INPP4B: variants seen among roughly 807,000 people sequenced by gnomAD.
INPP4B encodes inositol polyphosphate 4-phosphatase type II.
In INPP4B, 55 loss-of-function variants were observed where a neutral mutation model predicts 122.5. That is an observed-to-expected ratio of 0.45 (90% CI 0.36 to 0.56). The LOEUF is 0.56. INPP4B is among the 20% of genes least tolerant of loss of function. The pLI is 0.00. For missense variants in INPP4B, 1,000 were observed against 1,097.7 expected, an observed-to-expected ratio of 0.91 and a Z score of 1.26; for synonymous variants, 403 against 388.7, an observed-to-expected ratio of 1.04 and a Z score of -0.43.
intron 6 of INPP4B, 95 bp downstream of exon 6, chr4:142,405,111 G>A: frequency 1.5e-6 from 1 of 687,886 alleles, no homozygotes. Context: ...CAGAGATGGG[G>A]CGGGGGTGGG....
chr4:142,706,374 T>C (rs541477967), intron 2 of INPP4B, among the ~76,000 whole-genome samples: 1 of 152,368 alleles, frequency 6.6e-6, no homozygotes, highest in Non-Finnish European at 1.5e-5. Context: ...TGATTGATAT[T>C]TGATAACAAT....
intron 2 of INPP4B, among the ~76,000 whole-genome samples, chr4:142,555,440 T>G (rs1728932723): frequency 6.6e-6 from 1 of 152,276 alleles, no homozygotes; most frequent in African/African-American, 2.4e-5. Flanking sequence ...TCTATAAGAT[T>G]TGGCTACAAT....
At chr4:142,063,090 T>C (rs1015623498) in intron 25 of INPP4B, among the ~76,000 whole-genome samples, 3 of 152,202 alleles carry the variant, frequency 2.0e-5, no homozygotes, top group African/African-American at 7.2e-5. Context: ...AGAATGTTGA[T>C]TCAACATTTA....
chr4:142,270,621 AT>A (rs1454447818), intron 10 of INPP4B, 41 bp downstream of exon 10: 2 of 1,333,914 alleles, frequency 1.5e-6, no homozygotes, highest in Non-Finnish European at 2.2e-6. Flanking sequence ...AAAGCTGATC[AT>A]TTTTAATTTA....
At chr4:142,055,666 T>C (rs1757250713) in intron 25 of INPP4B, among the ~76,000 whole-genome samples, 1 of 151,990 alleles carries the variant, frequency 6.6e-6, no homozygotes, top group African/African-American at 2.4e-5. Context: ...TTCAACATTA[T>C]ATAATCTTAT....
chr4:142,079,414 G>A lies in INPP4B; in HGVS notation c.2642+2617C>T, dbSNP rs138163279. Among the ~76,000 whole-genome samples the A allele has an allele frequency of 7.2e-5, 11 of 152,164 alleles. No homozygotes were observed. In the East Asian group the frequency reaches 2.1e-3, roughly 29 times the overall value. On this transcript the variant is annotated intron_variant, in intron 25 of 25. Transcript: ENST00000262992. ...AGGGTGGGACTTGCTAGATGGCAGA[G>A]TGAGGAGCTGGGAAAATCTGCTTCC... is the stretch of plus-strand genomic sequence containing the variant.
At chr4:142,540,112 G>T (rs968293619) in intron 2 of INPP4B, among the ~76,000 whole-genome samples, 1 of 151,816 alleles carries the variant, frequency 6.6e-6, no homozygotes. Context: ...AATACAAGTG[G>T]AATGAAATAA....
chr4:142,737,950 C>G lies in INPP4B; in HGVS notation c.-253-12049G>C, dbSNP rs138041820. On this transcript the variant is annotated intron_variant, in intron 1 of 25. Transcript: ENST00000262992. ...GTTAGAATGGCAATCATTAAAAAGT[C>G]AGAAACCAACAGGTGCTGGAGAGGA... Among the ~76,000 whole-genome samples the G allele has an allele frequency of 5.6e-4, 86 of 152,284 alleles. 2 individuals carry two copies. The East Asian group carries it at 0.015, about 27-fold the overall frequency.
chr4:142,481,002 G>T (rs2149735351), intron 2 of INPP4B, among the ~76,000 whole-genome samples: 1 of 151,904 alleles, frequency 6.6e-6, no homozygotes, highest in African/African-American at 2.4e-5. Context: ...GGGCATGGTG[G>T]CACGAACCTA....
intron 7 of INPP4B, among the ~76,000 whole-genome samples, chr4:142,394,169 G>A (rs575564416): frequency 3.9e-5 from 6 of 152,020 alleles, no homozygotes; most frequent in Non-Finnish European, 7.4e-5. Context: ...GTTTTGAGAC[G>A]GAGTCTCGCT....
At chr4:142,446,511 T>G (rs2149477637) in intron 3 of INPP4B, among the ~76,000 whole-genome samples, 1 of 152,290 alleles carries the variant, frequency 6.6e-6, no homozygotes, top group Admixed American at 6.5e-5. Flanking sequence ...TAATTTCACT[T>G]CTAAGCATAT....
chr4:142,281,028 C>T (rs954100040), intron 9 of INPP4B, among the ~76,000 whole-genome samples: 3 of 151,896 alleles, frequency 2.0e-5, no homozygotes, highest in Admixed American at 6.6e-5. Context: ...CAGCTGGCCA[C>T]CTATCATCTA....
intron 25 of INPP4B, among the ~76,000 whole-genome samples, chr4:142,081,510 T>A (rs922503628): frequency 2.0e-5 from 3 of 152,156 alleles, no homozygotes; most frequent in African/African-American, 2.4e-5. Flanking sequence ...ATCTTCATGA[T>A]GAGTGATGTG....
At chr4:142,537,431 G>GAT (rs1828390304) in intron 2 of INPP4B, among the ~76,000 whole-genome samples, 1 of 23,708 alleles carries the variant, frequency 4.2e-5, no homozygotes, top group Non-Finnish European at 8.8e-5. Context: ...TATATATATA[G>GAT]AGAGAGAGAG....
intron 17 of INPP4B, among the ~76,000 whole-genome samples, chr4:142,147,236 T>A (rs578005722): frequency 1.4e-4 from 22 of 152,328 alleles, no homozygotes; most frequent in African/African-American, 4.3e-4. Context: ...CTTAGTGGAT[T>A]GTACATTTTT....
intron 1 of INPP4B, among the ~76,000 whole-genome samples, chr4:142,822,920 T>A (rs960658486): frequency 6.6e-6 from 1 of 152,216 alleles, no homozygotes; most frequent in Non-Finnish European, 1.5e-5. Context: ...TCATTCACTA[T>A]ACATGTTTCT....
intron 25 of INPP4B, among the ~76,000 whole-genome samples, chr4:142,034,756 C>G (rs1036278984): frequency 2.0e-5 from 3 of 152,150 alleles, no homozygotes; most frequent in African/African-American, 7.2e-5. Flanking sequence ...CTCCTCCTAG[C>G]CACTCCAGTC....
intron 3 of INPP4B, among the ~76,000 whole-genome samples, chr4:142,431,835 T>A (rs1242715886): frequency 2.0e-5 from 3 of 152,038 alleles, no homozygotes; most frequent in African/African-American, 7.2e-5. Flanking sequence ...ACTGACCACA[T>A]AAAAAATAAT....
At chr4:142,468,153 G>C (rs965622303) in intron 2 of INPP4B, 2 of 152,162 alleles carry the variant, frequency 1.3e-5, no homozygotes, top group Admixed American at 1.3e-4. Context: ...ACACAGCCCT[G>C]AATGAGGTTT....
Sources: gnomAD v4.1 joint callset for allele counts (sites outside exome capture counted in the v4.1 genomes callset) on GRCh38, gnomAD v4.1.1 for gene constraint, MANE v1.5 for transcripts, NCBI Gene and HGNC (gene_info 2026-07-23, HGNC 2026-07-21) for gene names.